The following PRKCG variants were observed in gnomAD, a reference collection of about 807,000 sequenced individuals.
The protein encoded by PRKCG is protein kinase C gamma.
PRKCG carries 28 observed loss-of-function variants against 82.0 expected under a neutral mutation model. That is an observed-to-expected ratio of 0.34 (90% CI 0.25 to 0.47). The LOEUF is 0.47. Among genes scored for constraint, PRKCG ranks in the 20% least tolerant of loss-of-function variants. The pLI is 1.00. For missense variants in PRKCG, 640 were observed against 952.7 expected, an observed-to-expected ratio of 0.67 and a Z score of 4.32; for synonymous variants, 383 against 376.6, an observed-to-expected ratio of 1.02 and a Z score of -0.20.
upstream of PRKCG, chr19:53,881,689 G>A (rs2068591041): frequency 6.6e-6 from 1 of 152,548 alleles, no homozygotes; most frequent in Non-Finnish European, 1.5e-5. Flanking sequence ...CAGATCCACT[G>A]AGAGGCAGAA....
At chr19:53,897,828 G>A in intron 9 of PRKCG, 131 bp from the exon 10 acceptor site, 5 of 1,229,548 alleles carry the variant, frequency 4.1e-6, no homozygotes, top group Non-Finnish European at 2.4e-6. Flanking sequence ...GACAGGGTAG[G>A]AGGGTGGCCA....
chr19:53,892,767 C>T lies in PRKCG; in HGVS notation c.821+124C>T. ...CCCAGCATGCGCACACACACACACA[C>T]ACACACACACACACGCACACACACG... On this transcript the variant is annotated intron_variant, in intron 7 of 17. Coordinates refer to ENST00000263431, the MANE Select transcript of PRKCG (RefSeq NM_002739.5). The surrounding 1 kb of genome is among the most constrained non-coding windows in gnomAD (Gnocchi z 5.9). The T allele has an allele frequency of 1.6e-6, 2 of 1,213,016 alleles. No individual in the cohort carries two copies. Among genetic ancestry groups the T allele is most frequent in the East Asian group, 2.5e-5 (1 of 39,312 alleles). The allele number at this position is 1,213,016 out of a possible 1,614,324, so 75.1% of individuals were successfully genotyped here.
rs2068686321 is a variant in PRKCG, at chr19:53,892,707, C to T, written c.821+64C>T. The T allele has an allele frequency of 3.2e-6, 5 of 1,565,462 alleles. No homozygotes were observed. The Admixed American group carries it at 8.9e-5, about 28-fold the overall frequency. The stretch of plus-strand genomic sequence containing the variant: ...ATTACCATCTCCATCTGTGTGTGGT[C>T]TCTCTCCTCCAGGCCACTGTCCTTC... On this transcript the variant is annotated intron_variant, in intron 7 of 17. Coordinates refer to ENST00000263431, the MANE Select transcript of PRKCG (RefSeq NM_002739.5). The surrounding 1 kb of genome is among the most constrained non-coding windows in gnomAD (Gnocchi z 5.9).
rs553905626 is a variant in PRKCG at position 53,882,397 on chromosome 19, T to C, written c.-98T>C. The C allele has an allele frequency of 2.0e-6, 3 of 1,527,986 alleles. No individual in the cohort carries two copies. The African/African-American group carries it at 4.2e-5, about 21-fold the overall frequency. 94.7% of individuals were successfully genotyped at this position (1,527,986 alleles called of 1,614,324 possible). The stretch of plus-strand genomic sequence containing the variant: ...TCTCCTGCCCACCTCGGAATTTCCC[T>C]GTGGCTCCTTTGATCCTTCGAGTCT... On this transcript the variant is annotated 5_prime_UTR_variant, in exon 1 of 18. Coordinates refer to ENST00000263431, the MANE Select transcript of PRKCG (RefSeq NM_002739.5). This position sits in a 1 kb window ranked among gnomAD's most constrained non-coding sequence, Gnocchi z 6.1.
chr19:53,904,743 G>T lies in PRKCG; in HGVS notation c.1764+1G>T, dbSNP rs1406338491. On this transcript the variant is annotated splice_donor_variant, in intron 16 of 17. Coordinates refer to ENST00000263431, the MANE Select transcript of PRKCG (RefSeq NM_002739.5). LOFTEE classifies it high-confidence loss of function. The stretch of plus-strand genomic sequence containing the variant: ...GGAAGCCGTGGCCATCTGCAAGGGG[G>T]TGAGAGCCCCCTGACTCCCAGCTTC... 3 of 1,612,306 alleles carry T rather than the reference G, an allele frequency of 1.9e-6. No homozygotes were observed. The highest frequency in any genetic ancestry group is 1.7e-6 in the Non-Finnish European group (2 of 1,179,130).
intron 11 of PRKCG, 63 bp downstream of exon 11, chr19:53,898,691 C>T (rs1327677502): frequency 1.9e-5 from 26 of 1,368,184 alleles, no homozygotes; most frequent in Non-Finnish European, 2.2e-5. Context: ...TGGACATCTG[C>T]GTTGGGATTC....
chr19:53,882,429 C>T lies in PRKCG; in HGVS notation c.-66C>T, dbSNP rs2068599341. 6.3e-7 allele frequency: 1 copy of T among 1,577,774 alleles called. No individual in the cohort carries two copies. The highest frequency in any genetic ancestry group is 1.4e-5 in the African/African-American group (1 of 73,266). On this transcript the variant is annotated 5_prime_UTR_variant, in exon 1 of 18. Coordinates refer to ENST00000263431, the MANE Select transcript of PRKCG (RefSeq NM_002739.5). This position sits in a 1 kb window ranked among gnomAD's most constrained non-coding sequence, Gnocchi z 6.1. ...CCTTTGATCCTTCGAGTCTCCAGCT[C>T]CTCTCCCTTCCACCTGTTTCCCCCA...
chr19:53,899,588 T>A (rs184560053), intron 11 of PRKCG, among the ~76,000 whole-genome samples: 118 of 150,554 alleles, frequency 7.8e-4, no homozygotes, highest in Middle Eastern at 3.5e-3. Flanking sequence ...GCAACTTTGA[T>A]TCCTTTTTTT....
At chr19:53,888,555 G>A (rs2068648799) in intron 3 of PRKCG, among the ~76,000 whole-genome samples, 1 of 152,078 alleles carries the variant, frequency 6.6e-6, no homozygotes, top group Admixed American at 6.6e-5. Context: ...GCTGAGAAGC[G>A]GCCTAGCTCT....
At chr19:53,891,432 ACGC>A (rs202068277) in intron 5 of PRKCG, among the ~76,000 whole-genome samples, 2,671 of 145,760 alleles carry the variant, frequency 0.018, 86 homozygotes, top group African/African-American at 0.064. Context: ...ACCTGCCACC[ACGC>A]CCAGCTAATT....
chr19:53,898,788 G>GAT (rs2068737903), intron 11 of PRKCG, among the ~76,000 whole-genome samples, 160 bp downstream of exon 11: 1 of 132,742 alleles, frequency 7.5e-6, no homozygotes, highest in Non-Finnish European at 1.6e-5. Context: ...TGGCCGGGGG[G>GAT]GGGTCCTTGG....
intron 14 of PRKCG, among the ~76,000 whole-genome samples, chr19:53,901,551 C>CAAAA (rs57268943): frequency 3.1e-4 from 14 of 45,818 alleles, no homozygotes; most frequent in African/African-American, 8.4e-4. Context: ...AACTTCATCT[C>CAAAA]AAAAAAAAAA....
upstream of PRKCG, among the ~76,000 whole-genome samples, chr19:53,881,594 A>C (rs1198374572): frequency 1.3e-5 from 2 of 152,070 alleles, no homozygotes; most frequent in Non-Finnish European, 2.9e-5. Context: ...AGATGGCGAC[A>C]GATACAGATG....
At chr19:53,898,660 G>C (rs2068735748) in intron 11 of PRKCG, 32 bp downstream of exon 11, 6 of 1,548,182 alleles carry the variant, frequency 3.9e-6, no homozygotes, top group Middle Eastern at 2.3e-4. Flanking sequence ...GCTGTCCTCC[G>C]GGCCCTGCCT....
chr19:53,898,131 G>A lies in PRKCG; in HGVS notation c.1092+20G>A. On this transcript the variant is annotated intron_variant, in intron 10 of 17. Coordinates refer to ENST00000263431, the MANE Select transcript of PRKCG (RefSeq NM_002739.5). ...GGGAAGGTTGGATTCCTGGGGTTCT[G>A]GGGGAAAGGGAGGATGTCTGTGGGA... 6.2e-7 allele frequency: 1 copy of A among 1,613,318 alleles called. No homozygotes were observed. Among genetic ancestry groups the A allele is most frequent in the Non-Finnish European group, 8.5e-7 (1 of 1,179,588 alleles).
intron 16 of PRKCG, among the ~76,000 whole-genome samples, chr19:53,906,070 C>T (rs1289758084): frequency 1.5e-4 from 12 of 80,776 alleles, no homozygotes; most frequent in African/African-American, 1.1e-3. Flanking sequence ...CCTCCTCCTC[C>T]TCCTCCTCCT....
In PRKCG at chr19:53,890,006, TC is replaced by T; in HGVS notation, c.520del (p.His174ThrfsTer2). 1 of 1,564,258 alleles carries T rather than the reference TC, an allele frequency of 6.4e-7. No homozygotes were observed. The highest frequency in any genetic ancestry group is 8.6e-7 in the Non-Finnish European group (1 of 1,157,050). ...ATCCGGGCTCCCACAGCAGATGAGA[TC>T]CACGTAACTGGTGAGGCCCCGCCCC... is the stretch of plus-strand genomic sequence containing the variant. ...LEIRAPTADEIHVTVGEARNL... is the reference protein window; with the variant it reads ...LEIRAPTADEXHVTVGEARNL... On this transcript the variant is annotated frameshift_variant, in exon 5 of 18. Coordinates refer to ENST00000263431, the MANE Select transcript of PRKCG (RefSeq NM_002739.5). LOFTEE classifies it high-confidence loss of function.
At chr19:53,898,198 A>G in intron 10 of PRKCG, 87 bp downstream of exon 10, 1 of 1,541,502 alleles carries the variant, frequency 6.5e-7, no homozygotes, top group Non-Finnish European at 8.8e-7. Flanking sequence ...GGGGGTGGGA[A>G]GAGACTGGGC....
At position 53,898,082 on chromosome 19, in the gene PRKCG, A is replaced by C. The variant is rs1334391585; in HGVS notation, c.1063A>C (p.Met355Leu). Residue 355 changes from methionine (M) to leucine (L), a missense_variant, in exon 10 of 18, where the codon ATG becomes CTG. By Grantham distance (15) the Met-to-Leu change is conservative. Transcript: ENST00000263431. The stretch of plus-strand genomic sequence containing the variant: ...GCACATCTCCGACTTCAGCTTCCTC[A>C]TGGTTCTAGGAAAAGGCAGTTTTGG... ...RLHISDFSFLMVLGKGSFGKV... is the reference protein window; with the variant it reads ...RLHISDFSFLLVLGKGSFGKV... 9 of 1,613,844 alleles carry C rather than the reference A, an allele frequency of 5.6e-6. No individual in the cohort carries two copies. Among genetic ancestry groups the C allele is most frequent in the Non-Finnish European group, 7.6e-6 (9 of 1,179,976 alleles).
Sources: gnomAD v4.1 joint callset for allele counts (sites outside exome capture counted in the v4.1 genomes callset) on GRCh38, gnomAD v4.1.1 for gene constraint, Gnocchi (gnomAD v3.1) non-coding constraint, MANE v1.5 for transcripts, NCBI Gene and HGNC (gene_info 2026-07-23, HGNC 2026-07-21) for gene names.